Variants in UBE2D3 observed in about 807,000 individuals in gnomAD.
The protein encoded by UBE2D3 is ubiquitin conjugating enzyme E2 D3, also known as ubiquitin-conjugating enzyme E2 D3.
In UBE2D3, 2 loss-of-function variants were observed where a neutral mutation model predicts 22.8. The observed-to-expected ratio is 0.09, with a 90% CI of 0.04 to 0.28. The LOEUF (loss-of-function observed/expected upper bound fraction) is 0.28, where lower values mean the gene tolerates loss of function less well. Among genes scored for constraint, UBE2D3 ranks in the 10% least tolerant of loss-of-function variants. The pLI is 1.00. For synonymous variants in UBE2D3, 56 were observed against 60.4 expected, an observed-to-expected ratio of 0.93 and a Z score of 0.34; for missense variants, 27 against 182.5, an observed-to-expected ratio of 0.15 and a Z score of 4.91.
chr4:102,822,191 G>C (rs143165233), intron 2 of UBE2D3, among the ~76,000 whole-genome samples: 2 of 152,302 alleles, frequency 1.3e-5, no homozygotes, highest in African/African-American at 4.8e-5. Context: ...CTGCAGATGA[G>C]CATGATGAAA....
chr4:102,836,732 A>T (rs1731429728), intron 1 of UBE2D3, among the ~76,000 whole-genome samples: 1 of 152,056 alleles, frequency 6.6e-6, no homozygotes, highest in South Asian at 2.1e-4. Context: ...GTGGTATTTC[A>T]TTGTCATTTT....
intron 1 of UBE2D3, chr4:102,826,852 G>A (rs1053012547): frequency 7.0e-6 from 8 of 1,139,260 alleles, no homozygotes; most frequent in African/African-American, 3.3e-5. Flanking sequence ...CCTCTAGAAA[G>A]GAAGAGACCC....
intron 2 of UBE2D3, among the ~76,000 whole-genome samples, chr4:102,817,495 A>T (rs1299324187): frequency 6.6e-6 from 1 of 152,186 alleles, no homozygotes; most frequent in African/African-American, 2.4e-5. Flanking sequence ...GCTTTAGGAT[A>T]GGTGAACTAA....
intron 2 of UBE2D3, chr4:102,812,917 G>C (rs988139614): frequency 1.3e-5 from 2 of 152,110 alleles, no homozygotes; most frequent in African/African-American, 4.8e-5. Context: ...GTCAATGGGG[G>C]TTATTAATTT....
At chr4:102,821,148 G>A (rs1729544024) in intron 2 of UBE2D3, among the ~76,000 whole-genome samples, 2 of 152,044 alleles carry the variant, frequency 1.3e-5, no homozygotes, top group South Asian at 4.1e-4. Flanking sequence ...CACTGCTATG[G>A]TAGCAAGCTC....
At chr4:102,799,672 G>A (rs1022683766) in intron 6 of UBE2D3, among the ~76,000 whole-genome samples, 172 bp from the exon 7 acceptor site, 11 of 151,880 alleles carry the variant, frequency 7.2e-5, no homozygotes, top group Non-Finnish European at 1.5e-4. Flanking sequence ...CAAGCTCCTG[G>A]TAAGTAAGAA....
At chr4:102,866,081 T>G (rs551480153) in intron 1 of UBE2D3, among the ~76,000 whole-genome samples, 1 of 152,212 alleles carries the variant, frequency 6.6e-6, no homozygotes, top group Non-Finnish European at 1.5e-5. Context: ...GAAAACAGGA[T>G]TTAAATTTTA....
chr4:102,852,944 C>T (rs1732434364), intron 1 of UBE2D3, among the ~76,000 whole-genome samples: 1 of 151,990 alleles, frequency 6.6e-6, no homozygotes, highest in African/African-American at 2.4e-5. Context: ...AGATGTTTCA[C>T]CTCACTTGTG....
Position 102,795,375 on chromosome 4 carries a change from T to A in UBE2D3, c.*2040A>T, listed in dbSNP as rs1045949330. 6.6e-6 allele frequency: 1 copy of A among 152,136 alleles called. No homozygotes were observed. The highest frequency in any genetic ancestry group is 1.5e-5 in the Non-Finnish European group (1 of 67,960). 9.4% of individuals were successfully genotyped at this position (152,136 alleles called of 1,614,324 possible). On this transcript the variant is annotated 3_prime_UTR_variant, in exon 8 of 8. Transcript: ENST00000453744. Reference sequence around the variant, plus strand: ...CTAAAGCTGTTATTTTGAGACTATATGCATCTCAGAAGTAATTTTGAAAAT... The same window carrying A: ...CTAAAGCTGTTATTTTGAGACTATAAGCATCTCAGAAGTAATTTTGAAAAT...
intron 2 of UBE2D3, among the ~76,000 whole-genome samples, chr4:102,818,842 T>A (rs1230882883): frequency 6.6e-6 from 1 of 152,156 alleles, no homozygotes; most frequent in Admixed American, 6.5e-5. Flanking sequence ...TTTACTGTAG[T>A]CACTATGGGA....
intron 1 of UBE2D3, among the ~76,000 whole-genome samples, chr4:102,848,921 CTGTGTGTGTGTGTGTGTGTGTG>C (rs147050383): frequency 7.0e-6 from 1 of 142,832 alleles, no homozygotes; most frequent in South Asian, 2.3e-4. Context: ...TTATGTGTGC[CTGTGTGTGTGTGTGTGTGTGTG>C]TGTGTGTGTG....
intron 1 of UBE2D3, among the ~76,000 whole-genome samples, chr4:102,836,475 G>C (rs575470527): frequency 6.6e-6 from 1 of 151,978 alleles, no homozygotes; most frequent in South Asian, 2.1e-4. Context: ...ATTACAAATA[G>C]GGCTACTATG....
intron 1 of UBE2D3, 47 bp downstream of exon 1, chr4:102,827,380 T>TGG: frequency 3.0e-6 from 3 of 985,730 alleles, no homozygotes; most frequent in Non-Finnish European, 3.6e-6. Context: ...GGCCGGCCAC[T>TGG]GGGCCGGCCT....
intron 1 of UBE2D3, among the ~76,000 whole-genome samples, chr4:102,868,051 C>G (rs1733241547): frequency 6.7e-6 from 1 of 149,872 alleles, no homozygotes; most frequent in South Asian, 2.1e-4. Context: ...ATAAAGAAAA[C>G]CATACATAAG....
chr4:102,826,429 T>C, intron 2 of UBE2D3, 56 bp downstream of exon 2: 3 of 1,608,944 alleles, frequency 1.9e-6, no homozygotes, highest in Non-Finnish European at 2.6e-6. Context: ...CGCTTTCCTC[T>C]TGGCCCGAGC....
In UBE2D3 at chr4:102,801,659, T is replaced by C. The variant is rs951282702; in HGVS notation, c.199-100A>G. 6 of 988,390 alleles carry C rather than the reference T, an allele frequency of 6.1e-6. No homozygotes were observed. The African/African-American group carries it at 8.3e-5, about 14-fold the overall frequency. The allele number at this position is 988,390 out of a possible 1,614,324, so 61.2% of individuals were successfully genotyped here. Reference sequence around the variant, plus strand: ...GCCACAATGTTAAAAATGTCATCTATTAGCATAGAAGTTCTAAATATTATA... The same window carrying C: ...GCCACAATGTTAAAAATGTCATCTACTAGCATAGAAGTTCTAAATATTATA... On this transcript the variant is annotated intron_variant, in intron 5 of 7. Coordinates refer to ENST00000453744, the MANE Select transcript of UBE2D3 (RefSeq NM_181891.3).
intron 1 of UBE2D3, chr4:102,826,889 A>G (rs1730597461): frequency 4.7e-6 from 5 of 1,061,684 alleles, no homozygotes; most frequent in Non-Finnish European, 5.7e-6. Flanking sequence ...GGCGTAGGAG[A>G]AAGGGGTGGG....
chr4:102,817,035 G>A (rs1728869987), intron 2 of UBE2D3, among the ~76,000 whole-genome samples: 1 of 152,310 alleles, frequency 6.6e-6, no homozygotes, highest in East Asian at 1.9e-4. Flanking sequence ...AGTGCCATTT[G>A]AGCTGGCTCT....
chr4:102,855,748 C>T (rs1056320593), intron 1 of UBE2D3, among the ~76,000 whole-genome samples: 4 of 152,164 alleles, frequency 2.6e-5, no homozygotes. Flanking sequence ...TACTGAACAC[C>T]TACCAAGTGT....
Sources: allele counts gnomAD v4.1 joint callset (sites outside exome capture counted in the v4.1 genomes callset), GRCh38; gene constraint gnomAD v4.1.1; transcripts MANE v1.5; gene names NCBI Gene and HGNC (gene_info 2026-07-23, HGNC 2026-07-21).